The following TMX2 variants were observed in gnomAD, a reference collection of about 807,000 sequenced individuals.
The protein encoded by TMX2 is thioredoxin related transmembrane protein 2.
A neutral mutation model predicts 33.4 loss-of-function variants in TMX2; 20 were observed. The observed-to-expected ratio is 0.60, with a 90% confidence interval of 0.42 to 0.87. The LOEUF (loss-of-function observed/expected upper bound fraction) is 0.87, where lower values mean the gene tolerates loss of function less well. Among genes scored for constraint, TMX2 ranks in the 40% least tolerant of loss-of-function variants. The pLI is 0.00. For missense variants in TMX2, 340 were observed against 370.7 expected (o/e 0.92, Z 0.68); for synonymous variants, 166 against 140.7 (o/e 1.18, Z -1.27).
chr11:57,716,059 G>A (rs538958425), intron 1 of TMX2, among the ~76,000 whole-genome samples: 6 of 151,872 alleles, frequency 4.0e-5, no homozygotes, highest in East Asian at 1.9e-4. Flanking sequence ...CCACAAAACC[G>A]CCATTGTCAT....
At chr11:57,727,669 A>G (rs1262151453) in intron 1 of TMX2, among the ~76,000 whole-genome samples, 1 of 152,206 alleles carries the variant, frequency 6.6e-6, no homozygotes, top group Non-Finnish European at 1.5e-5. Flanking sequence ...TGCCCTACAA[A>G]GTCTCTTCTG....
intron 1 of TMX2, among the ~76,000 whole-genome samples, chr11:57,725,630 G>A (rs1947927836): frequency 1.3e-5 from 2 of 152,020 alleles, no homozygotes; most frequent in African/African-American, 2.4e-5. Flanking sequence ...CCAGCTACTT[G>A]GGAGGCTGAG....
intron 1 of TMX2, among the ~76,000 whole-genome samples, chr11:57,730,363 G>T (rs1384623441): frequency 6.9e-6 from 1 of 145,038 alleles, no homozygotes; most frequent in African/African-American, 2.6e-5. Context: ...GGAGGTGGAG[G>T]TTGCAGTGAG....
At chr11:57,734,513 C>T (rs572904900) in intron 1 of TMX2, among the ~76,000 whole-genome samples, 3 of 152,200 alleles carry the variant, frequency 2.0e-5, no homozygotes, top group South Asian at 4.1e-4. Context: ...TTTGGGAGGC[C>T]GAAGCAGGTG....
chr11:57,731,986 A>G (rs924678683), intron 1 of TMX2, among the ~76,000 whole-genome samples: 2 of 152,236 alleles, frequency 1.3e-5, no homozygotes, highest in Non-Finnish European at 2.9e-5. Flanking sequence ...CAATGTGAAT[A>G]TTCATACCAA....
At chr11:57,730,121 A>T (rs1475057325) in intron 1 of TMX2, among the ~76,000 whole-genome samples, 1 of 134,042 alleles carries the variant, frequency 7.5e-6, no homozygotes, top group African/African-American at 2.7e-5. Context: ...AAAAAAAAAT[A>T]ATTATATATA....
chr11:57,729,497 T>G (rs1371749393), intron 1 of TMX2, among the ~76,000 whole-genome samples: 1 of 152,184 alleles, frequency 6.6e-6, no homozygotes, highest in Non-Finnish European at 1.5e-5. Flanking sequence ...AATAGACTTA[T>G]ATAATTTTAC....
At chr11:57,739,664 G>A (rs1271438478) in intron 7 of TMX2, among the ~76,000 whole-genome samples, 1 of 152,130 alleles carries the variant, frequency 6.6e-6, no homozygotes, top group African/African-American at 2.4e-5. Context: ...GGCTGAGGCA[G>A]GAGAATCGCT....
chr11:57,734,200 C>CACACACTTT (rs1948600156), intron 1 of TMX2, among the ~76,000 whole-genome samples: 1 of 146,506 alleles, frequency 6.8e-6, no homozygotes, highest in Non-Finnish European at 1.5e-5. Context: ...ACTGCAAGGG[C>CACACACTTT]ACACACTTTC....
rs779536773 is a variant in TMX2 at position 57,739,021 on chromosome 11, A to G, written c.596A>G (p.Tyr199Cys). The G allele has an allele frequency of 1.1e-5, 17 of 1,614,028 alleles. No homozygotes were observed. Among genetic ancestry groups the G allele is most frequent in the Admixed American group, 1.7e-5 (1 of 59,992 alleles). Residue 199 changes from tyrosine (Y) to cysteine (C), a missense_variant, in exon 6 of 8, where the codon TAT becomes TGT. By Grantham distance (194) the Tyr-to-Cys change is radical. Around this residue, in one of 3 missense-constraint regions of TMX2, gnomAD observed 209 missense variants for 241.6 expected, o/e 0.87. Coordinates refer to ENST00000278422, the MANE Select transcript of TMX2 (RefSeq NM_015959.4). ...TTTGGGAAGGTGGATGTTGGACGCT[A>G]TACTGATGTTAGTACGCGGTATGTA... ...LNFGKVDVGR[Y>C]TDVSTRYKVS...
intron 1 of TMX2, among the ~76,000 whole-genome samples, chr11:57,719,705 T>C (rs1396196160): frequency 1.3e-5 from 2 of 151,440 alleles, no homozygotes; most frequent in Non-Finnish European, 2.9e-5. Context: ...TTTGTAGAGA[T>C]GGGGTTTCGC....
At chr11:57,733,967 G>A (rs1948569003) in intron 1 of TMX2, among the ~76,000 whole-genome samples, 1 of 151,768 alleles carries the variant, frequency 6.6e-6, no homozygotes, top group Non-Finnish European at 1.5e-5. Context: ...TCAGTAGATC[G>A]AGACCATCCT....
chr11:57,737,579 C>T lies in TMX2; in HGVS notation c.190-29C>T, dbSNP rs1233446727. ...CTAAGTTAGCTCTAGTCACTGCATT[C>T]CTGTTATAATACTTCGATTCTGTTC... On this transcript the variant is annotated intron_variant, in intron 1 of 7. Transcript: ENST00000278422. 2.5e-6 allele frequency: 4 copies of T among 1,602,014 alleles called. No homozygotes were observed. In the South Asian group the frequency reaches 4.4e-5, roughly 18 times the overall value.
intron 4 of TMX2, 89 bp from the exon 5 acceptor site, chr11:57,738,575 A>G: frequency 3.1e-6 from 4 of 1,283,526 alleles, no homozygotes; most frequent in Non-Finnish European, 4.6e-6. Context: ...GGGAGAGGGA[A>G]CACCAGGATG....
At position 57,740,290 on chromosome 11, in the gene TMX2, C is replaced by G. The variant is rs1423127235; in HGVS notation, c.*45C>G. 1 of 1,533,746 alleles carries G rather than the reference C, an allele frequency of 6.5e-7. No individual in the cohort carries two copies. Among genetic ancestry groups the G allele is most frequent in the Admixed American group, 2.2e-5 (1 of 46,314 alleles). On this transcript the variant is annotated 3_prime_UTR_variant, in exon 8 of 8. Coordinates refer to ENST00000278422, the MANE Select transcript of TMX2 (RefSeq NM_015959.4). ...CTTCCTCTCCTGTCAATTCCAGGCT[C>G]TTTCCATAACCACAAGCCTGAGGCT...
chr11:57,716,035 C>T (rs74347392), intron 1 of TMX2, among the ~76,000 whole-genome samples: 1 of 152,160 alleles, frequency 6.6e-6, no homozygotes, highest in South Asian at 2.1e-4. Flanking sequence ...CCCCACCTTT[C>T]CCCCCTTTCT....
chr11:57,716,287 A>G (rs1364731872), intron 1 of TMX2, among the ~76,000 whole-genome samples: 3 of 115,946 alleles, frequency 2.6e-5, no homozygotes, highest in South Asian at 3.3e-4. Context: ...TCCCTCCCGG[A>G]TGTGGGGCTG....
intron 1 of TMX2, among the ~76,000 whole-genome samples, chr11:57,736,605 G>A (rs1948765921): frequency 6.6e-6 from 1 of 151,704 alleles, no homozygotes; most frequent in South Asian, 2.1e-4. Context: ...TAAGTAATGG[G>A]GGCCGGGCTC....
chr11:57,734,949 C>T (rs1020297373), intron 1 of TMX2, among the ~76,000 whole-genome samples: 1 of 150,898 alleles, frequency 6.6e-6, no homozygotes, highest in South Asian at 2.1e-4. Context: ...TCCTGGCCAA[C>T]GTGGTGAAAC....
Sources: allele counts gnomAD v4.1 joint callset (sites outside exome capture counted in the v4.1 genomes callset), GRCh38; gene constraint gnomAD v4.1.1; regional missense constraint gnomAD v4.1.1; transcripts MANE v1.5; gene names NCBI Gene and HGNC (gene_info 2026-07-23, HGNC 2026-07-21).